The following ESRRG variants were observed in gnomAD, a reference collection of about 807,000 sequenced individuals.
ESRRG encodes the protein estrogen-related receptor gamma.
ESRRG carries 13 observed loss-of-function variants against 44.0 expected under a neutral mutation model. The observed-to-expected ratio is 0.30, with a 90% CI of 0.19 to 0.47. ESRRG has a LOEUF of 0.47. ESRRG is among the 20% of genes least tolerant of loss of function. ESRRG has a pLI of 1.00. For missense variants in ESRRG, 395 were observed against 580.6 expected, an observed-to-expected ratio of 0.68 and a Z score of 3.29; for synonymous variants, 215 against 214.6, an observed-to-expected ratio of 1.00 and a Z score of -0.02.
At chr1:216,911,359 A>G (rs1016917627) in intron 2 of ESRRG, among the ~76,000 whole-genome samples, 1 of 152,186 alleles carries the variant, frequency 6.6e-6, no homozygotes, top group Non-Finnish European at 1.5e-5. Context: ...CTTAAATGGC[A>G]CACATCATAT....
At chr1:216,557,366 A>G (rs933438345) in intron 5 of ESRRG, among the ~76,000 whole-genome samples, 6 of 152,184 alleles carry the variant, frequency 3.9e-5, no homozygotes, top group African/African-American at 1.4e-4. Flanking sequence ...GACAATGAAC[A>G]ACAGAAAAGC....
Position 216,932,453 on chromosome 1 carries a change from C to T in ESRRG, c.-14+7129G>A, listed in dbSNP as rs566308817. Among the ~76,000 whole-genome samples the T allele has an allele frequency of 9.2e-5, 14 of 151,994 alleles. No homozygotes were observed. In the South Asian group the frequency reaches 1.9e-3, roughly 20 times the overall value. ...CAAATTGAAGTAAGATACTACTTCC[C>T]GATAATAAATTGACAAAAAGTAAGG... On this transcript the variant is annotated intron_variant, in intron 2 of 7. Transcript: ENST00000359162.
chr1:217,137,150 A>G (rs912482394), intron 1 of ESRRG, among the ~76,000 whole-genome samples: 1 of 152,142 alleles, frequency 6.6e-6, no homozygotes, highest in Non-Finnish European at 1.5e-5. Context: ...TACACTACAC[A>G]AGAGGTCAAA....
intron 3 of ESRRG, among the ~76,000 whole-genome samples, chr1:216,588,821 T>C (rs1234356864): frequency 6.6e-6 from 1 of 152,218 alleles, no homozygotes; most frequent in Non-Finnish European, 1.5e-5. Flanking sequence ...GATAATTGAT[T>C]CATTGATTCT....
At chr1:217,028,929 G>A (rs141583382) in intron 1 of ESRRG, among the ~76,000 whole-genome samples, 195 of 152,146 alleles carry the variant, frequency 1.3e-3, no homozygotes, top group African/African-American at 4.6e-3. Context: ...TGCAAGCATT[G>A]CACCAAAAGC....
chr1:216,837,088 G>A (rs2095576696), intron 2 of ESRRG, among the ~76,000 whole-genome samples: 1 of 149,592 alleles, frequency 6.7e-6, no homozygotes, highest in Non-Finnish European at 1.5e-5. Flanking sequence ...CCAGTCACAG[G>A]TAAAGATATA....
At chr1:217,056,177 C>T (rs1041875222) in intron 1 of ESRRG, among the ~76,000 whole-genome samples, 1 of 152,146 alleles carries the variant, frequency 6.6e-6, no homozygotes, top group Non-Finnish European at 1.5e-5. Flanking sequence ...TGAATAACTA[C>T]TTGGAGCAGA....
At position 216,519,387 on chromosome 1, in the gene ESRRG, G is replaced by A. The variant is rs754555777; in HGVS notation, c.897C>T (p.Ser299=). The A allele has an allele frequency of 3.7e-6, 6 of 1,613,146 alleles. No individual in the cohort carries two copies. In the South Asian group the frequency reaches 5.5e-5, roughly 15 times the overall value. ...TTTCCATCCAAGCACTCTGCAGAAG[G>A]CTCATCTGGTCCGCCAGGGACAGCG... ...FSTLSLADQM[S]LLQSAWMEIL... is the part of the protein sequence containing the mutation. The change falls in exon 6 of 7, where the codon AGC becomes AGT. Residue 299 remains serine, a synonymous_variant. Coordinates refer to ENST00000408911, the MANE Select transcript of ESRRG (RefSeq NM_001438.4).
chr1:216,906,534 C>G (rs2059704501), intron 2 of ESRRG, among the ~76,000 whole-genome samples: 1 of 152,156 alleles, frequency 6.6e-6, no homozygotes, highest in Non-Finnish European at 1.5e-5. Context: ...ATGCACTCTC[C>G]CTCCTACTTC....
At chr1:216,772,876 T>C (rs1332696068) in intron 2 of ESRRG, among the ~76,000 whole-genome samples, 1 of 151,810 alleles carries the variant, frequency 6.6e-6, no homozygotes, top group Non-Finnish European at 1.5e-5. Context: ...TAAGCTGATA[T>C]TTGGTGTTTC....
intron 3 of ESRRG, among the ~76,000 whole-genome samples, chr1:216,619,725 T>C (rs2061925233): frequency 6.6e-6 from 1 of 152,228 alleles, no homozygotes; most frequent in African/African-American, 2.4e-5. Flanking sequence ...AATTGTATTT[T>C]TCACAACATA....
At chr1:217,088,852 C>A (rs1049592252) in intron 1 of ESRRG, among the ~76,000 whole-genome samples, 1 of 152,042 alleles carries the variant, frequency 6.6e-6, no homozygotes, top group Non-Finnish European at 1.5e-5. Flanking sequence ...GTCTATCCTG[C>A]AGAGGCTCTA....
intron 2 of ESRRG, among the ~76,000 whole-genome samples, chr1:216,768,450 T>C (rs2093200367): frequency 8.7e-6 from 1 of 114,686 alleles, no homozygotes; most frequent in African/African-American, 3.4e-5. Flanking sequence ...CTATCTATCA[T>C]TATCTATCTA....
At chr1:216,996,843 C>G (rs761400083) in intron 1 of ESRRG, among the ~76,000 whole-genome samples, 4 of 152,120 alleles carry the variant, frequency 2.6e-5, no homozygotes, top group Non-Finnish European at 5.9e-5. Flanking sequence ...GACTGTAAGA[C>G]ACACAACCTA....
chr1:216,925,075 T>C (rs543651935), intron 2 of ESRRG, among the ~76,000 whole-genome samples: 8 of 152,276 alleles, frequency 5.3e-5, no homozygotes, highest in African/African-American at 1.9e-4. Flanking sequence ...CCACAGGCAG[T>C]TCTCCCGCAG....
At chr1:216,984,382 A>G (rs1032711325) in intron 1 of ESRRG, among the ~76,000 whole-genome samples, 1 of 152,194 alleles carries the variant, frequency 6.6e-6, no homozygotes, top group African/African-American at 2.4e-5. Flanking sequence ...ATAAAAGGGT[A>G]TTTTGGCAAA....
At chr1:217,032,005 C>G (rs2082141431) in intron 1 of ESRRG, among the ~76,000 whole-genome samples, 1 of 152,142 alleles carries the variant, frequency 6.6e-6, no homozygotes, top group Non-Finnish European at 1.5e-5. Context: ...TTGCCAGGAT[C>G]AAGAGCTTTC....
chr1:217,091,779 G>C (rs886424218), upstream of ESRRG, among the ~76,000 whole-genome samples: 5 of 152,116 alleles, frequency 3.3e-5, no homozygotes, highest in East Asian at 9.6e-4. Flanking sequence ...ACTCAAGGAG[G>C]GATTACTATA....
At chr1:216,721,214 T>A (rs1047245711) in intron 1 of ESRRG, among the ~76,000 whole-genome samples, 3 of 152,224 alleles carry the variant, frequency 2.0e-5, no homozygotes, top group African/African-American at 4.8e-5. Flanking sequence ...GGTCAATAAA[T>A]GGTATGAATC....
Sources: allele counts gnomAD v4.1 joint callset (sites outside exome capture counted in the v4.1 genomes callset), GRCh38; gene constraint gnomAD v4.1.1; transcripts MANE v1.5; gene names NCBI Gene and HGNC (gene_info 2026-07-23, HGNC 2026-07-21).